Variants in ATP9B observed in about 807,000 individuals in gnomAD.
ATP9B encodes the protein ATPase phospholipid transporting 9B.
In ATP9B, 110 loss-of-function variants were observed where a neutral mutation model predicts 146.1. The observed-to-expected ratio is 0.75, with a 90% confidence interval of 0.65 to 0.88. The LOEUF (loss-of-function observed/expected upper bound fraction) is 0.88. Ranked by LOEUF, ATP9B falls within the 40% of genes least tolerant of loss-of-function variation. The pLI is 0.00. For missense variants in ATP9B, 1,499 were observed against 1,496.4 expected (o/e 1.00, Z -0.03); for synonymous variants, 604 against 569.7 (o/e 1.06, Z -0.86).
chr18:79,375,990 G>A, intron 29 of ATP9B: 1 of 985,288 alleles, frequency 1.0e-6, no homozygotes, highest in Non-Finnish European at 1.2e-6. Context: ...GTACAGCTTG[G>A]TCCTGGTGAG....
At chr18:79,328,437 A>G (rs535873625) in intron 15 of ATP9B, among the ~76,000 whole-genome samples, 52 of 152,344 alleles carry the variant, frequency 3.4e-4, no homozygotes, top group African/African-American at 1.2e-3. Context: ...AATACATTCT[A>G]TTTCTGAGTA....
intron 13 of ATP9B, among the ~76,000 whole-genome samples, chr18:79,294,421 C>T (rs1302821838): frequency 2.0e-5 from 3 of 152,214 alleles, no homozygotes; most frequent in African/African-American, 4.8e-5. Context: ...AACCTTGCCT[C>T]GCCAGCCTTG....
intron 11 of ATP9B, among the ~76,000 whole-genome samples, chr18:79,227,655 T>G (rs1464970446): frequency 1.3e-5 from 2 of 152,236 alleles, no homozygotes; most frequent in African/African-American, 4.8e-5. Context: ...ACCCCTTACC[T>G]TACCAGCCTG....
chr18:79,345,385 G>C, intron 21 of ATP9B, 43 bp from the exon 22 acceptor site: 2 of 1,604,194 alleles, frequency 1.2e-6, no homozygotes, highest in Admixed American at 3.3e-5. Context: ...CTGGGACACT[G>C]TTGTCGACCA....
chr18:79,256,890 A>G (rs114071964), intron 12 of ATP9B, among the ~76,000 whole-genome samples: 2,352 of 152,252 alleles, frequency 0.015, 65 homozygotes, highest in African/African-American at 0.054. Context: ...TCTTTTTTCA[A>G]AAAGGATAAG....
chr18:79,235,708 T>G (rs2095835578), intron 11 of ATP9B, among the ~76,000 whole-genome samples: 1 of 151,584 alleles, frequency 6.6e-6, no homozygotes, highest in South Asian at 2.1e-4. Context: ...GACCACCATC[T>G]TATCTAGTGA....
chr18:79,294,380 G>T (rs1437748449), intron 13 of ATP9B, among the ~76,000 whole-genome samples: 1 of 152,230 alleles, frequency 6.6e-6, no homozygotes, highest in South Asian at 2.1e-4. Flanking sequence ...CTGATGGAAG[G>T]ACGCTCCCTG....
intron 11 of ATP9B, among the ~76,000 whole-genome samples, chr18:79,217,232 T>A (rs774467887): frequency 6.6e-5 from 10 of 152,270 alleles, no homozygotes; most frequent in Non-Finnish European, 1.0e-4. Context: ...TTGCCCAGGC[T>A]GGAGTGCGGT....
rs564865056 is a variant in ATP9B at position 79,369,329 on chromosome 18, C to G, written c.3013-3496C>G. On this transcript the variant is annotated intron_variant, in intron 26 of 29. Transcript: ENST00000426216. ...GCGGGCGGGTCACGAGTCAGGAGAT[C>G]GAGACCAGCCTGGCTCACACGGTGA... 2.6e-5 allele frequency among the ~76,000 whole-genome samples: 4 copies of G among 151,786 alleles called. No individual in the cohort carries two copies. The South Asian group carries it at 6.3e-4, about 24-fold the overall frequency.
At chr18:79,072,592 C>G (rs1315063091) in intron 1 of ATP9B, among the ~76,000 whole-genome samples, 2 of 150,542 alleles carry the variant, frequency 1.3e-5, no homozygotes, top group African/African-American at 4.9e-5. Flanking sequence ...TCTTTCTTTT[C>G]CCGACATTTC....
chr18:79,224,617 T>C (rs2095711528), intron 11 of ATP9B, among the ~76,000 whole-genome samples: 1 of 152,232 alleles, frequency 6.6e-6, no homozygotes, highest in Admixed American at 6.5e-5. Context: ...AGAAGCCAAC[T>C]TCACCAGGGA....
chr18:79,097,458 ATTTTC>A (rs1266252346), intron 2 of ATP9B, among the ~76,000 whole-genome samples: 2 of 146,862 alleles, frequency 1.4e-5, no homozygotes, highest in East Asian at 4.0e-4. Flanking sequence ...AGAAATAGGT[ATTTTC>A]TTTTTTTTTA....
intron 4 of ATP9B, among the ~76,000 whole-genome samples, chr18:79,126,039 A>G (rs963574427): frequency 2.6e-5 from 4 of 152,238 alleles, no homozygotes; most frequent in African/African-American, 9.6e-5. Context: ...TGAAGTATCT[A>G]TTAGGAGGTG....
chr18:79,331,979 A>G (rs530223611), intron 17 of ATP9B, among the ~76,000 whole-genome samples: 16 of 152,372 alleles, frequency 1.1e-4, no homozygotes, highest in African/African-American at 3.8e-4. Flanking sequence ...AAATCAGCCT[A>G]TCACTTCTGA....
intron 15 of ATP9B, among the ~76,000 whole-genome samples, chr18:79,310,932 C>T (rs1433466663): frequency 6.6e-6 from 1 of 150,882 alleles, no homozygotes; most frequent in African/African-American, 2.4e-5. Context: ...GAGCGGATCA[C>T]CTGAGGTCAG....
intron 17 of ATP9B, among the ~76,000 whole-genome samples, chr18:79,333,711 G>A (rs116083390): frequency 0.015 from 2,320 of 152,158 alleles, 65 homozygotes; most frequent in African/African-American, 0.053. Flanking sequence ...TCCTCTCGCC[G>A]TGTGTCATGG....
At chr18:79,170,308 G>A (rs1244572315) in intron 7 of ATP9B, among the ~76,000 whole-genome samples, 5 of 152,186 alleles carry the variant, frequency 3.3e-5, no homozygotes, top group African/African-American at 1.2e-4. Context: ...TAAACAGGAT[G>A]GGGAACTCTC....
At chr18:79,102,034 C>T (rs1416646577) in intron 2 of ATP9B, among the ~76,000 whole-genome samples, 1 of 152,182 alleles carries the variant, frequency 6.6e-6, no homozygotes, top group Non-Finnish European at 1.5e-5. Flanking sequence ...CAACTTCCGC[C>T]TCCTGGGTCC....
At chr18:79,362,767 T>A (rs2096997896) in intron 26 of ATP9B, 1 of 152,238 alleles carries the variant, frequency 6.6e-6, no homozygotes, top group Non-Finnish European at 1.5e-5. Flanking sequence ...TGTTACCAAT[T>A]CATAATCTTA....
Sources: gnomAD v4.1 joint callset for allele counts (sites outside exome capture counted in the v4.1 genomes callset) on GRCh38, gnomAD v4.1.1 for gene constraint, MANE v1.5 for transcripts, NCBI Gene and HGNC (gene_info 2026-07-23, HGNC 2026-07-21) for gene names.